The following VWC2L variants were observed in gnomAD, a reference collection of about 807,000 sequenced individuals.
VWC2L encodes von Willebrand factor C domain containing 2 like.
Under a neutral mutation model 21.6 loss-of-function variants are expected in VWC2L, and 10 were observed. The observed-to-expected ratio is 0.46, with a 90% CI of 0.29 to 0.78. VWC2L has a LOEUF of 0.78. VWC2L is among the 30% of genes least tolerant of loss of function. The probability of loss-of-function intolerance (pLI) is 0.10; values close to 1 mark genes in which losing one functional copy is unlikely to be tolerated. For synonymous variants in VWC2L, 96 were observed against 94.3 expected, an observed-to-expected ratio of 1.02 and a Z score of -0.10; for missense variants, 209 against 277.1, an observed-to-expected ratio of 0.75 and a Z score of 1.74.
At chr2:214,570,392 C>A (rs1690132839) in intron 3 of VWC2L, among the ~76,000 whole-genome samples, 1 of 152,198 alleles carries the variant, frequency 6.6e-6, no homozygotes, top group South Asian at 2.1e-4. Context: ...GAGATAGGGT[C>A]TCACTTTGTC....
At chr2:214,480,888 A>AT (rs58085013) in intron 3 of VWC2L, among the ~76,000 whole-genome samples, 8 of 148,756 alleles carry the variant, frequency 5.4e-5, no homozygotes, top group Non-Finnish European at 1.2e-4. Flanking sequence ...AAAAAAAAAA[A>AT]GGTAGATGTA....
At chr2:214,505,993 TA>T (rs1259433690) in intron 3 of VWC2L, among the ~76,000 whole-genome samples, 1 of 152,292 alleles carries the variant, frequency 6.6e-6, no homozygotes, top group Admixed American at 6.5e-5. Flanking sequence ...CTTATTTTCA[TA>T]CCCAGTAATC....
chr2:214,498,456 G>A (rs1688841699), intron 3 of VWC2L, among the ~76,000 whole-genome samples: 1 of 151,982 alleles, frequency 6.6e-6, no homozygotes. Context: ...CTGAAGCCTT[G>A]TCTCTAGGTA....
At chr2:214,493,925 C>A (rs1197787176) in intron 3 of VWC2L, among the ~76,000 whole-genome samples, 2 of 152,124 alleles carry the variant, frequency 1.3e-5, no homozygotes, top group Non-Finnish European at 2.9e-5. Flanking sequence ...TTATATCTGA[C>A]CTTATTCACC....
intron 3 of VWC2L, among the ~76,000 whole-genome samples, chr2:214,520,267 T>C (rs1415709042): frequency 7.2e-5 from 11 of 152,226 alleles, no homozygotes; most frequent in Admixed American, 7.2e-4. Flanking sequence ...CCTGGGGGTT[T>C]GCATCATACA....
intron 3 of VWC2L, among the ~76,000 whole-genome samples, chr2:214,503,303 G>C (rs1404829862): frequency 6.6e-6 from 1 of 152,012 alleles, no homozygotes; most frequent in Non-Finnish European, 1.5e-5. Context: ...GAAGCAAAGT[G>C]CCTAAGTCCC....
At chr2:214,473,439 C>T (rs1427559191) in intron 3 of VWC2L, among the ~76,000 whole-genome samples, 1 of 152,148 alleles carries the variant, frequency 6.6e-6, no homozygotes, top group Non-Finnish European at 1.5e-5. Context: ...AAAGACCCAG[C>T]TCCCATGCCT....
intron 2 of VWC2L, among the ~76,000 whole-genome samples, chr2:214,420,398 A>G (rs761197028): frequency 1.1e-4 from 16 of 152,164 alleles, no homozygotes; most frequent in Non-Finnish European, 2.1e-4. Context: ...AGGGAAAACC[A>G]GAGGCTGTAG....
rs1574639539 is a variant in VWC2L at position 214,564,683 on chromosome 2, A to G, written c.521-10989A>G. On this transcript the variant is annotated intron_variant, in intron 3 of 3. Transcript: ENST00000312504. ...GTGCCTGGTTGCCAAATACATTATCATTTTAATAATAGATTGTAAGGAAAG... is the reference window on the plus strand; with the variant it reads ...GTGCCTGGTTGCCAAATACATTATCGTTTTAATAATAGATTGTAAGGAAAG... Among the ~76,000 whole-genome samples, 5 of 152,188 alleles carry G rather than the reference A, an allele frequency of 3.3e-5. No homozygotes were observed. The South Asian group carries it at 1.0e-3, about 32-fold the overall frequency.
At chr2:214,469,572 G>A (rs1174265651) in intron 3 of VWC2L, among the ~76,000 whole-genome samples, 1 of 151,506 alleles carries the variant, frequency 6.6e-6, no homozygotes, top group Non-Finnish European at 1.5e-5. Context: ...TCCAGCCTGG[G>A]CGACAGAGGG....
At chr2:214,561,704 G>A (rs924264108) in intron 3 of VWC2L, among the ~76,000 whole-genome samples, 1 of 151,108 alleles carries the variant, frequency 6.6e-6, no homozygotes, top group Non-Finnish European at 1.5e-5. Context: ...GAGCCTGGGA[G>A]ATCAAGGCTG....
At chr2:214,442,574 G>A (rs1191227800) in intron 3 of VWC2L, among the ~76,000 whole-genome samples, 2 of 152,064 alleles carry the variant, frequency 1.3e-5, no homozygotes, top group African/African-American at 4.8e-5. Flanking sequence ...AGAAGTGGAA[G>A]TAAGAATCTA....
chr2:214,418,277 T>C (rs1702385622), intron 2 of VWC2L, among the ~76,000 whole-genome samples: 1 of 152,212 alleles, frequency 6.6e-6, no homozygotes, highest in Non-Finnish European at 1.5e-5. Flanking sequence ...TTATAACACA[T>C]TTTATTTTAC....
chr2:214,561,875 A>T (rs1443611031), intron 3 of VWC2L, among the ~76,000 whole-genome samples: 4 of 150,176 alleles, frequency 2.7e-5, no homozygotes, highest in African/African-American at 9.8e-5. Context: ...TCTAAATTTA[A>T]TATATCAAAA....
chr2:214,462,806 T>G (rs1032763632), intron 3 of VWC2L, among the ~76,000 whole-genome samples: 2 of 152,216 alleles, frequency 1.3e-5, no homozygotes, highest in African/African-American at 4.8e-5. Flanking sequence ...AATTCTGCTT[T>G]AGTATCATTC....
intron 3 of VWC2L, among the ~76,000 whole-genome samples, chr2:214,511,950 ACACC>A (rs1375115034): frequency 7.3e-6 from 1 of 137,332 alleles, no homozygotes; most frequent in Non-Finnish European, 1.6e-5. Context: ...ACACACACAC[ACACC>A]TGGTCATGAT....
chr2:214,509,484 C>T (rs1019948936), intron 3 of VWC2L, among the ~76,000 whole-genome samples: 2 of 150,368 alleles, frequency 1.3e-5, no homozygotes, highest in African/African-American at 2.4e-5. Context: ...AAAATGTGTT[C>T]GTTGATGATA....
At chr2:214,508,578 G>A (rs879333671) in intron 3 of VWC2L, among the ~76,000 whole-genome samples, 1 of 152,118 alleles carries the variant, frequency 6.6e-6, no homozygotes, top group African/African-American at 2.4e-5. Flanking sequence ...TCCTTCCTGT[G>A]TAACTAGTGT....
chr2:214,575,627 G>A (rs1690217745), intron 3 of VWC2L, 45 bp from the exon 4 acceptor site: 2 of 1,600,940 alleles, frequency 1.2e-6, no homozygotes, highest in Non-Finnish European at 1.7e-6. Flanking sequence ...GAGAAAGGGA[G>A]CCTCTCAGAT....
Sources: allele counts gnomAD v4.1 joint callset (sites outside exome capture counted in the v4.1 genomes callset), GRCh38; gene constraint gnomAD v4.1.1; transcripts MANE v1.5; gene names NCBI Gene and HGNC (gene_info 2026-07-23, HGNC 2026-07-21).